The following STK4 variants were observed in gnomAD, a reference collection of about 807,000 sequenced individuals.
STK4 encodes serine/threonine kinase 4.
STK4 carries 30 observed loss-of-function variants against 64.9 expected under a neutral mutation model. The ratio of observed to expected loss-of-function variants is 0.46; its 90% confidence interval spans 0.35 to 0.63. The LOEUF (loss-of-function observed/expected upper bound fraction) is 0.63. Among genes scored for constraint, STK4 ranks in the 20% least tolerant of loss-of-function variants. STK4 has a pLI of 0.01. For synonymous variants in STK4, 177 were observed against 199.0 expected (o/e 0.89, Z 0.93); for missense variants, 466 against 598.5 (o/e 0.78, Z 2.31).
At chr20:45,032,620 G>A (rs1002510151) in intron 10 of STK4, among the ~76,000 whole-genome samples, 1 of 152,200 alleles carries the variant, frequency 6.6e-6, no homozygotes, top group African/African-American at 2.4e-5. Context: ...TTCTGTGGCT[G>A]TGTAGTATAC....
intron 9 of STK4, among the ~76,000 whole-genome samples, chr20:45,024,510 T>G (rs1008843223): frequency 6.6e-6 from 1 of 152,184 alleles, no homozygotes; most frequent in African/African-American, 2.4e-5. Context: ...TCCAGTTAGA[T>G]TATGAGATTA....
At position 45,066,231 on chromosome 20, in the gene STK4, G is replaced by A. The variant is rs560882231; in HGVS notation, c.1306-8787G>A. ...ACACACACAGATATCTAGCTAGATA[G>A]TACCAAAATATATACATCTGTGGTT... On this transcript the variant is annotated intron_variant, in intron 10 of 10. Coordinates refer to ENST00000372806, the MANE Select transcript of STK4 (RefSeq NM_006282.5). 3.3e-5 allele frequency among the ~76,000 whole-genome samples: 5 copies of A among 149,966 alleles called. No individual in the cohort carries two copies. The South Asian group carries it at 1.1e-3, about 32-fold the overall frequency.
intron 10 of STK4, chr20:45,053,157 A>G (rs1978298589): frequency 2.5e-6 from 4 of 1,612,530 alleles, no homozygotes; most frequent in African/African-American, 1.3e-5. Flanking sequence ...TGCTGTGTAG[A>G]TACGCTTTCT....
intron 9 of STK4, among the ~76,000 whole-genome samples, chr20:45,002,204 G>A (rs1383299415): frequency 6.6e-6 from 1 of 152,192 alleles, no homozygotes; most frequent in Non-Finnish European, 1.5e-5. Context: ...TTATGTAGAT[G>A]ATTATAACCG....
chr20:44,978,619 C>G lies in STK4; in HGVS notation c.245+48C>G, dbSNP rs760809592. ...TGGGGAGAATGTGGTTTTGAATTAG[C>G]TATGATTGTGTAGAGTTTGATACCT... On this transcript the variant is annotated intron_variant, in intron 3 of 10. Coordinates refer to ENST00000372806, the MANE Select transcript of STK4 (RefSeq NM_006282.5). The G allele has an allele frequency of 1.9e-6, 3 of 1,597,670 alleles. No individual in the cohort carries two copies. In the South Asian group the frequency reaches 3.4e-5, roughly 18 times the overall value.
intron 9 of STK4, chr20:45,007,950 C>CAGTGTTTAGCTCCCACTA (rs2067978630): frequency 9.7e-6 from 2 of 206,728 alleles, no homozygotes; most frequent in African/African-American, 2.3e-5. Context: ...CATGTGTGCT[C>CAGTGTTTAGCTCCCACTA]AGTGTTTAGC....
intron 8 of STK4, among the ~76,000 whole-genome samples, chr20:45,000,756 A>C (rs2145696191): frequency 6.6e-6 from 1 of 152,204 alleles, no homozygotes; most frequent in South Asian, 2.1e-4. Context: ...TCTTTTACTC[A>C]ATTTAACTTT....
At chr20:44,994,426 CT>C (rs539981866) in intron 5 of STK4, among the ~76,000 whole-genome samples, 3 of 150,214 alleles carry the variant, frequency 2.0e-5, no homozygotes, top group South Asian at 2.1e-4. Context: ...AATTGTACAA[CT>C]TTTTTTTGCT....
chr20:45,003,018 T>G (rs2067868689), intron 9 of STK4, among the ~76,000 whole-genome samples: 2 of 152,182 alleles, frequency 1.3e-5, no homozygotes, highest in South Asian at 4.1e-4. Context: ...TTTAAGTTAT[T>G]ATTTTTTTAA....
intron 2 of STK4, chr20:44,972,564 T>G (rs2145632003): frequency 6.4e-6 from 1 of 155,478 alleles, no homozygotes; most frequent in South Asian, 1.9e-4. Flanking sequence ...AATTAAGCAC[T>G]ATCACCACCT....
At chr20:44,980,674 T>C (rs1287869827) in intron 3 of STK4, among the ~76,000 whole-genome samples, 1 of 152,230 alleles carries the variant, frequency 6.6e-6, no homozygotes, top group Non-Finnish European at 1.5e-5. Context: ...CATCATTTTT[T>C]CTTTTTTTTG....
intron 10 of STK4, among the ~76,000 whole-genome samples, chr20:45,041,568 A>G (rs2068614088): frequency 6.6e-6 from 1 of 151,934 alleles, no homozygotes. Flanking sequence ...TTTTAAGTTG[A>G]TTGCTTCATA....
chr20:44,969,437 A>AT (rs1315490060), intron 1 of STK4, among the ~76,000 whole-genome samples: 1 of 152,248 alleles, frequency 6.6e-6, no homozygotes. Flanking sequence ...CTTTTCAGAA[A>AT]TTCAGATGGC....
intron 7 of STK4, among the ~76,000 whole-genome samples, chr20:44,999,925 T>C (rs1388752836): frequency 6.6e-6 from 1 of 152,220 alleles, no homozygotes; most frequent in Non-Finnish European, 1.5e-5. Flanking sequence ...CTTGAAAACA[T>C]TTTTTTAGTA....
At chr20:44,972,200 C>A in intron 2 of STK4, 42 bp downstream of exon 2, 2 of 1,536,626 alleles carry the variant, frequency 1.3e-6, no homozygotes, top group African/African-American at 1.4e-5. Context: ...GGGTCCCAGT[C>A]TTTTTCCTGC....
At chr20:45,010,132 G>C (rs556576133) in intron 9 of STK4, among the ~76,000 whole-genome samples, 1 of 151,950 alleles carries the variant, frequency 6.6e-6, no homozygotes, top group Non-Finnish European at 1.5e-5. Flanking sequence ...GCAGTGGTGC[G>C]ATCTCGGCTT....
At chr20:44,983,996 T>C (rs1285033360) in intron 4 of STK4, among the ~76,000 whole-genome samples, 3 of 152,186 alleles carry the variant, frequency 2.0e-5, no homozygotes, top group South Asian at 2.1e-4. Context: ...GAATAATTTA[T>C]TGAATTAAAC....
At chr20:45,012,822 G>A (rs1306931676) in intron 9 of STK4, among the ~76,000 whole-genome samples, 1 of 123,866 alleles carries the variant, frequency 8.1e-6, no homozygotes, top group Non-Finnish European at 1.6e-5. Flanking sequence ...TTGAGGCACT[G>A]TCTCACTCTG....
intron 10 of STK4, among the ~76,000 whole-genome samples, chr20:45,070,349 G>A (rs1362543006): frequency 6.6e-6 from 1 of 152,168 alleles, no homozygotes; most frequent in Admixed American, 6.5e-5. Flanking sequence ...AAGGTAGATG[G>A]AGATGGAAAA....
Sources: allele counts gnomAD v4.1 joint callset (sites outside exome capture counted in the v4.1 genomes callset), GRCh38; gene constraint gnomAD v4.1.1; transcripts MANE v1.5; gene names NCBI Gene and HGNC (gene_info 2026-07-23, HGNC 2026-07-21).